The following CPSF2 variants were observed in gnomAD, a reference collection of about 807,000 sequenced individuals.
CPSF2 encodes cleavage and polyadenylation specific factor 2.
Under a neutral mutation model 84.2 loss-of-function variants are expected in CPSF2, and 51 were observed. The observed-to-expected ratio is 0.61, with a 90% CI of 0.48 to 0.77. CPSF2 has a LOEUF of 0.77. Ranked by LOEUF, CPSF2 falls within the 30% of genes least tolerant of loss-of-function variation. The pLI, the probability that CPSF2 is intolerant of heterozygous loss-of-function variation, is 0.00. For missense variants in CPSF2, 641 were observed against 929.4 expected, an observed-to-expected ratio of 0.69 and a Z score of 4.03; for synonymous variants, 286 against 311.9, an observed-to-expected ratio of 0.92 and a Z score of 0.87.
Position 92,143,203 on chromosome 14 carries a change from AAAACTC to A in CPSF2, c.1052_1057del (p.Asn351_Ser352del). On this transcript the variant is annotated inframe_deletion, in exon 9 of 16. Transcript: ENST00000298875. ...TTTATTCAGTGGTGTCAGGACCCTA[AAAACTC>A]AATCATTCTAACCTACAGAACTACT... The A allele has an allele frequency of 6.2e-7, 1 of 1,613,920 alleles. No homozygotes were observed. Among genetic ancestry groups the A allele is most frequent in the Non-Finnish European group, 8.5e-7 (1 of 1,179,834 alleles).
chr14:92,125,273 G>C (rs750228455), intron 1 of CPSF2, among the ~76,000 whole-genome samples: 2 of 152,172 alleles, frequency 1.3e-5, no homozygotes, highest in Non-Finnish European at 2.9e-5. Context: ...AAGCGTTCCT[G>C]AGGGAAGAAT....
rs577412544 is a variant in CPSF2 at position 92,161,927 on chromosome 14, A to G, written c.*183A>G. 28 of 474,696 alleles carry G rather than the reference A, an allele frequency of 5.9e-5. No individual in the cohort carries two copies. The highest frequency in any genetic ancestry group is 3.1e-4 in the African/African-American group (15 of 48,706). The allele number at this position is 474,696 out of a possible 1,614,324, so 29.4% of individuals were successfully genotyped here. A position where few individuals can be genotyped will look rare whatever the true frequency, so the allele number is the denominator to read the frequency against. On this transcript the variant is annotated 3_prime_UTR_variant, in exon 16 of 16. Coordinates refer to ENST00000298875, the MANE Select transcript of CPSF2 (RefSeq NM_017437.3). ...TTGCAAATGCTCAAATGAGCATTCT[A>G]TCTTTTGGCTTTCAGAGTGATAGAG... is the stretch of plus-strand genomic sequence containing the variant.
chr14:92,137,084 A>G (rs2069010197), intron 6 of CPSF2, among the ~76,000 whole-genome samples: 1 of 152,164 alleles, frequency 6.6e-6, no homozygotes, highest in African/African-American at 2.4e-5. Flanking sequence ...CAACATATAT[A>G]TAAGATCAAG....
At chr14:92,151,402 C>T (rs967833269) in intron 9 of CPSF2, among the ~76,000 whole-genome samples, 1 of 137,642 alleles carries the variant, frequency 7.3e-6, no homozygotes, top group Non-Finnish European at 1.6e-5. Context: ...AAAAACAAAA[C>T]AAAACAAAAC....
At chr14:92,142,682 T>C (rs1177552885) in intron 8 of CPSF2, among the ~76,000 whole-genome samples, 1 of 152,226 alleles carries the variant, frequency 6.6e-6, no homozygotes, top group African/African-American at 2.4e-5. Flanking sequence ...CATTGTTCTT[T>C]CTTTTAAATA....
intron 14 of CPSF2, among the ~76,000 whole-genome samples, chr14:92,160,139 T>G (rs895884141): frequency 1.3e-5 from 2 of 152,148 alleles, no homozygotes; most frequent in Non-Finnish European, 2.9e-5. Context: ...GTTTTTGTAC[T>G]TTTAGTAGAA....
chr14:92,142,334 G>T lies in CPSF2; in HGVS notation c.832G>T (p.Glu278Ter), dbSNP rs1167010535. 6.2e-7 allele frequency: 1 copy of T among 1,611,764 alleles called. No homozygotes were observed. The highest frequency in any genetic ancestry group is 1.1e-5 in the South Asian group (1 of 90,810). The change falls in exon 8 of 16, where the codon GAG becomes TAG. Residue 278 changes from glutamate to a stop codon, truncating the protein, a stop_gained. Transcript: ENST00000298875. LOFTEE classifies it high-confidence loss of function. ...AAATAATGTCAGTTACAATGTGGTG[G>T]AGTTTTCTAAGTCCCAGGTTTGTTC... is the stretch of plus-strand genomic sequence containing the variant. Reference protein sequence around the residue: ...LLNNVSYNVVEFSKSQVEWMS... With the variant: ...LLNNVSYNVV
Position 92,161,232 on chromosome 14 carries a change from G to A in CPSF2, c.2242G>A (p.Val748Ile), listed in dbSNP as rs2069367575. The A allele has an allele frequency of 6.2e-7, 1 of 1,612,274 alleles. No individual in the cohort carries two copies. The highest frequency in any genetic ancestry group is 1.3e-5 in the African/African-American group (1 of 74,946). Reference sequence around the variant, plus strand: ...AGGTGTACTTGTTTGCAACAATCAAGTAGCAGTCCGCAGAGTAAGTGTGTT... The same window carrying A: ...AGGTGTACTTGTTTGCAACAATCAAATAGCAGTCCGCAGAGTAAGTGTGTT... ...VGGVLVCNNQ[V>I]AVRRTETGRI... Residue 748 changes from valine to isoleucine, a missense_variant, in exon 15 of 16, where the codon GTA becomes ATA. Physicochemically the swap from Val to Ile is conservative, Grantham distance 29. Transcript: ENST00000298875.
rs2069435877 is a variant in CPSF2 at position 92,165,745 on chromosome 14, G to C, written c.*4001G>C. ...TGCAAGTATTTTATTCCATTCTGTG[G>C]CTTGTCTTTTCACTTTCTTCGTAGT... On this transcript the variant is annotated 3_prime_UTR_variant, in exon 16 of 16. Transcript: ENST00000298875. 1 of 151,100 alleles carries C rather than the reference G, an allele frequency of 6.6e-6. No individual in the cohort carries two copies. The allele number at this position is 151,100 out of a possible 1,614,324, so 9.4% of individuals were successfully genotyped here.
At chr14:92,138,460 C>T (rs1032604350) in intron 7 of CPSF2, 113 bp downstream of exon 7, 13 of 497,414 alleles carry the variant, frequency 2.6e-5, no homozygotes, top group East Asian at 1.1e-4. Context: ...GACGGACTTT[C>T]GCTCTTTCAC....
At chr14:92,131,267 A>G in intron 3 of CPSF2, 134 bp downstream of exon 3, 1 of 621,914 alleles carries the variant, frequency 1.6e-6, no homozygotes, top group Non-Finnish European at 2.6e-6. Flanking sequence ...ACTTATGCCA[A>G]AAACCTATAG....
In CPSF2 at chr14:92,167,102, C is replaced by T. The variant is rs1353378932; in HGVS notation, c.*5358C>T. ...TCTCAGCTCACTGCAACCTCCGCCT[C>T]CTGGGTTCGAGAGATTCTCCTGCCT... On this transcript the variant is annotated 3_prime_UTR_variant, in exon 16 of 16. Coordinates refer to ENST00000298875, the MANE Select transcript of CPSF2 (RefSeq NM_017437.3). 3 of 150,972 alleles carry T rather than the reference C, an allele frequency of 2.0e-5. No individual in the cohort carries two copies. Among genetic ancestry groups the T allele is most frequent in the Admixed American group, 2.0e-4 (3 of 15,114 alleles). The allele number at this position is 150,972 out of a possible 1,614,324, so 9.4% of individuals were successfully genotyped here.
intron 9 of CPSF2, among the ~76,000 whole-genome samples, chr14:92,145,745 ATG>A (rs1282845888): frequency 6.6e-6 from 1 of 152,228 alleles, no homozygotes; most frequent in Admixed American, 6.5e-5. Flanking sequence ...TAAAAGAAAA[ATG>A]GTTTAAGTTT....
chr14:92,138,459 T>C, intron 7 of CPSF2, 112 bp downstream of exon 7: 1 of 508,974 alleles, frequency 2.0e-6, no homozygotes, highest in Non-Finnish European at 3.3e-6. Flanking sequence ...AGACGGACTT[T>C]CGCTCTTTCA....
rs2069490351 is a variant in CPSF2, at chr14:92,169,385, T to C, written c.*7641T>C. ...GACAAACATTTGCTACCGTGGTTGA[T>C]TTTTTAATTTTACATTAACTATTTA... On this transcript the variant is annotated 3_prime_UTR_variant, in exon 16 of 16. Coordinates refer to ENST00000298875, the MANE Select transcript of CPSF2 (RefSeq NM_017437.3). The C allele has an allele frequency of 6.6e-6, 1 of 151,800 alleles. No homozygotes were observed. The highest frequency in any genetic ancestry group is 1.9e-4 in the East Asian group (1 of 5,158). The allele number at this position is 151,800 out of a possible 1,614,324, so 9.4% of individuals were successfully genotyped here. A position where few individuals can be genotyped will look rare whatever the true frequency, so the allele number is the denominator to read the frequency against.
intron 7 of CPSF2, 83 bp from the exon 8 acceptor site, chr14:92,142,080 TA>T: frequency 1.8e-6 from 2 of 1,089,800 alleles, no homozygotes; most frequent in Non-Finnish European, 2.6e-6. Flanking sequence ...GTCTTTCTAA[TA>T]AAAACAGGGA....
Position 92,134,115 on chromosome 14 carries a change from A to G in CPSF2, c.254A>G (p.Tyr85Cys), listed in dbSNP as rs1323077990. The G allele has an allele frequency of 6.2e-6, 10 of 1,614,168 alleles. No individual in the cohort carries two copies. In the East Asian group the frequency reaches 6.7e-5, roughly 11 times the overall value. ...AAGTTGGGTCTGAACTGTGCTATCT[A>G]TGCAACCATTCCTGTTTATAAAATG... ...VGKLGLNCAI[Y>C]ATIPVYKMGQ... Residue 85 changes from tyrosine (Y) to cysteine (C), a missense_variant, in exon 4 of 16, where the codon TAT becomes TGT. This residue lies in a region of CPSF2 where 211 missense variants were observed against 375.7 expected (regional missense o/e 0.56). Coordinates refer to ENST00000298875, the MANE Select transcript of CPSF2 (RefSeq NM_017437.3).
chr14:92,143,184 C>T lies in CPSF2; in HGVS notation c.1030C>T (p.Gln344Ter), dbSNP rs1351960492. 6.2e-7 allele frequency: 1 copy of T among 1,614,110 alleles called. No homozygotes were observed. Among genetic ancestry groups the T allele is most frequent in the South Asian group, 1.1e-5 (1 of 91,086 alleles). ...CGGATTTTCAAGGGATCTCTTTATT[C>T]AGTGGTGTCAGGACCCTAAAAACTC... is the stretch of plus-strand genomic sequence containing the variant. ...ECGFSRDLFI[Q>*]WCQDPKNSII... The change falls in exon 9 of 16, where the codon CAG becomes TAG. Residue 344 changes from glutamine to a stop codon, truncating the protein, a stop_gained. Coordinates refer to ENST00000298875, the MANE Select transcript of CPSF2 (RefSeq NM_017437.3). LOFTEE classifies it high-confidence loss of function.
chr14:92,151,948 C>T (rs2069223904), intron 9 of CPSF2, among the ~76,000 whole-genome samples: 1 of 149,816 alleles, frequency 6.7e-6, no homozygotes, highest in Admixed American at 6.7e-5. Context: ...GAAGATTGAG[C>T]TGCAGTGAGC....
Sources: gnomAD v4.1 joint callset for allele counts (sites outside exome capture counted in the v4.1 genomes callset) on GRCh38, gnomAD v4.1.1 for gene constraint, gnomAD v4.1.1 regional missense constraint, MANE v1.5 for transcripts, NCBI Gene and HGNC (gene_info 2026-07-23, HGNC 2026-07-21) for gene names.